The following COMMD10 variants were observed in gnomAD, a reference collection of about 807,000 sequenced individuals.
The protein encoded by COMMD10 is COMM domain-containing protein 10.
Under a neutral mutation model 28.9 loss-of-function variants are expected in COMMD10, and 33 were observed. The ratio of observed to expected loss-of-function variants is 1.14; its 90% CI spans 0.87 to 1.53. COMMD10 has a LOEUF of 1.53. COMMD10 is among the 40% of genes most tolerant of loss of function. COMMD10 has a pLI of 0.00. For missense variants in COMMD10, 310 were observed against 233.4 expected (o/e 1.33, Z -2.14); for synonymous variants, 110 against 81.7 (o/e 1.35, Z -1.87).
chr5:116,268,794 G>C (rs1750675841), intron 5 of COMMD10, among the ~76,000 whole-genome samples: 1 of 151,788 alleles, frequency 6.6e-6, no homozygotes, highest in South Asian at 2.1e-4. Flanking sequence ...TATGTCCTTT[G>C]TACGGACATG....
intron 4 of COMMD10, among the ~76,000 whole-genome samples, chr5:116,102,176 A>T (rs1377035667): frequency 6.6e-6 from 1 of 152,160 alleles, no homozygotes; most frequent in Non-Finnish European, 1.5e-5. Context: ...TTCTTCTAGT[A>T]TTTTAAATTT....
intron 5 of COMMD10, among the ~76,000 whole-genome samples, chr5:116,265,051 C>G (rs979141599): frequency 2.0e-5 from 3 of 151,760 alleles, no homozygotes; most frequent in African/African-American, 7.3e-5. Flanking sequence ...AAATGAATTT[C>G]ATAGCCTCAT....
chr5:116,161,708 T>A (rs548848276), intron 5 of COMMD10, among the ~76,000 whole-genome samples: 1 of 152,276 alleles, frequency 6.6e-6, no homozygotes, highest in East Asian at 1.9e-4. Flanking sequence ...CAGATCTTCA[T>A]AAAGATCTTC....
At chr5:116,174,223 A>G (rs77148055) in intron 5 of COMMD10, among the ~76,000 whole-genome samples, 11,096 of 152,172 alleles carry the variant, frequency 0.073, 472 homozygotes, top group Admixed American at 0.13. Flanking sequence ...GTAAGTAAGA[A>G]CACCAATTGC....
chr5:116,169,913 C>G (rs1264610202), intron 5 of COMMD10, among the ~76,000 whole-genome samples: 2 of 152,108 alleles, frequency 1.3e-5, no homozygotes, highest in African/African-American at 4.8e-5. Context: ...GAAGTATTTT[C>G]TTTGAAAACC....
chr5:116,110,935 A>C (rs1353730488), intron 4 of COMMD10, among the ~76,000 whole-genome samples: 1 of 152,178 alleles, frequency 6.6e-6, no homozygotes, highest in African/African-American at 2.4e-5. Flanking sequence ...ACCTCCCATC[A>C]GGCCCCACCT....
rs144691974 is a variant in COMMD10 at position 116,131,195 on chromosome 5, G to A, written c.400-2873G>A. Among the ~76,000 whole-genome samples, 290 of 151,946 alleles carry A rather than the reference G, an allele frequency of 1.9e-3. 3 individuals carry two copies. Among genetic ancestry groups the A allele is most frequent in the African/African-American group, 6.6e-3 (274 of 41,510 alleles). On this transcript the variant is annotated intron_variant, in intron 4 of 6. Transcript: ENST00000274458. The stretch of plus-strand genomic sequence containing the variant: ...TGTCCATTTTGCAGATGAGAATATC[G>A]AGGCCCAAAGAGGTGAATAGAATAT...
intron 5 of COMMD10, among the ~76,000 whole-genome samples, chr5:116,170,397 A>C (rs1753283160): frequency 6.6e-6 from 1 of 152,212 alleles, no homozygotes; most frequent in Non-Finnish European, 1.5e-5. Flanking sequence ...TATCGTGAAA[A>C]TGAAAATACT....
At chr5:116,128,806 C>T (rs1355371447) in intron 4 of COMMD10, among the ~76,000 whole-genome samples, 2 of 151,878 alleles carry the variant, frequency 1.3e-5, no homozygotes, top group African/African-American at 4.8e-5. Flanking sequence ...TATTTTATGG[C>T]GTATCCCTCA....
intron 5 of COMMD10, among the ~76,000 whole-genome samples, chr5:116,265,630 G>C (rs537519045): frequency 6.6e-6 from 1 of 151,748 alleles, no homozygotes; most frequent in East Asian, 1.9e-4. Flanking sequence ...CAAGGCCCTG[G>C]GCTACGTACA....
chr5:116,092,476 A>G, intron 3 of COMMD10, 69 bp from the exon 4 acceptor site: 4 of 1,107,632 alleles, frequency 3.6e-6, no homozygotes, highest in Admixed American at 2.8e-5. Context: ...ATAGTTTTGT[A>G]TTTAGTATAG....
At chr5:116,268,303 C>T (rs1413604504) in intron 5 of COMMD10, among the ~76,000 whole-genome samples, 2 of 151,806 alleles carry the variant, frequency 1.3e-5, no homozygotes, top group Non-Finnish European at 2.9e-5. Context: ...TATGAACAGA[C>T]ACTTCTCAAA....
At chr5:116,154,201 G>A (rs931229181) in intron 5 of COMMD10, among the ~76,000 whole-genome samples, 1 of 152,048 alleles carries the variant, frequency 6.6e-6, no homozygotes, top group Admixed American at 6.6e-5. Flanking sequence ...AGTTAGGCTT[G>A]GGAAGCATAA....
At chr5:116,206,365 C>T (rs1020156455) in intron 5 of COMMD10, among the ~76,000 whole-genome samples, 4 of 151,946 alleles carry the variant, frequency 2.6e-5, no homozygotes, top group African/African-American at 4.8e-5. Flanking sequence ...ACATTGGAGA[C>T]GGTGGTCGGG....
intron 5 of COMMD10, among the ~76,000 whole-genome samples, chr5:116,251,266 T>A (rs931050363): frequency 2.2e-5 from 3 of 138,072 alleles, no homozygotes; most frequent in African/African-American, 8.6e-5. Flanking sequence ...ACTCTTTTCT[T>A]TTTATTTATT....
At chr5:116,228,408 G>A (rs1344164195) in intron 5 of COMMD10, among the ~76,000 whole-genome samples, 1 of 151,786 alleles carries the variant, frequency 6.6e-6, no homozygotes, top group Non-Finnish European at 1.5e-5. Context: ...CAAGCTATAT[G>A]TTAATATTAA....
chr5:116,212,126 T>C (rs1748982235), intron 5 of COMMD10, among the ~76,000 whole-genome samples: 1 of 152,176 alleles, frequency 6.6e-6, no homozygotes. Context: ...TGATAAATAT[T>C]CTTTAGGTTT....
intron 4 of COMMD10, among the ~76,000 whole-genome samples, chr5:116,125,127 T>G (rs1256357935): frequency 6.6e-6 from 1 of 152,184 alleles, no homozygotes; most frequent in African/African-American, 2.4e-5. Flanking sequence ...CCTCGTTAGT[T>G]GATGCAGTTT....
At chr5:116,254,199 T>A (rs1280153574) in intron 5 of COMMD10, among the ~76,000 whole-genome samples, 1 of 152,130 alleles carries the variant, frequency 6.6e-6, no homozygotes, top group Non-Finnish European at 1.5e-5. Context: ...TTTTTCTTTA[T>A]CATTCTTGCT....
Sources: gnomAD v4.1 joint callset for allele counts (sites outside exome capture counted in the v4.1 genomes callset) on GRCh38, gnomAD v4.1.1 for gene constraint, MANE v1.5 for transcripts, NCBI Gene and HGNC (gene_info 2026-07-23, HGNC 2026-07-21) for gene names.